Variants in CYP27C1 observed in about 807,000 individuals in gnomAD.
CYP27C1 encodes the protein cytochrome P450 family 27 subfamily C member 1, also known as cytochrome P450 27C1.
Under a neutral mutation model 40.6 loss-of-function variants are expected in CYP27C1, and 29 were observed. That is an observed-to-expected ratio of 0.71 (90% CI 0.53 to 0.97). The LOEUF (loss-of-function observed/expected upper bound fraction) is 0.97. CYP27C1 is among the 50% of genes least tolerant of loss of function. The pLI, the probability that CYP27C1 is intolerant of heterozygous loss-of-function variation, is 0.00. For missense variants in CYP27C1, 390 were observed against 485.8 expected, an observed-to-expected ratio of 0.80 and a Z score of 1.85; for synonymous variants, 198 against 186.8, an observed-to-expected ratio of 1.06 and a Z score of -0.49.
chr2:127,198,074 C>T (rs1682946465), intron 5 of CYP27C1, among the ~76,000 whole-genome samples: 2 of 152,030 alleles, frequency 1.3e-5, no homozygotes, highest in Admixed American at 6.6e-5. Context: ...CCTGTGGGTT[C>T]CCCCCAGGTT....
At position 127,205,883 on chromosome 2, in the gene CYP27C1, C is replaced by A; in HGVS notation, c.473+17G>T. The A allele has an allele frequency of 2.4e-6, 1 of 411,078 alleles. No homozygotes were observed. Among genetic ancestry groups the A allele is most frequent in the Non-Finnish European group, 3.3e-6 (1 of 304,594 alleles). 25.5% of individuals were successfully genotyped at this position (411,078 alleles called of 1,614,324 possible). A position where few individuals can be genotyped will look rare whatever the true frequency, so the allele number is the denominator to read the frequency against. Reference sequence around the variant, plus strand: ...TCCCCCTCCAGCCCGTGGCTCAGCCCGGGCCCACATACTCACGCCGAGATG... The same window carrying A: ...TCCCCCTCCAGCCCGTGGCTCAGCCAGGGCCCACATACTCACGCCGAGATG... On this transcript the variant is annotated intron_variant, in intron 2 of 8. Transcript: ENST00000664447.
chr2:127,201,312 A>G lies in CYP27C1; in HGVS notation c.693T>C (p.Tyr231=). The change falls in exon 4 of 9, where the codon TAT becomes TAC. Residue 231 remains tyrosine, a synonymous_variant. Coordinates refer to ENST00000664447, the MANE Select transcript of CYP27C1 (RefSeq NM_001367502.1). This position sits in a 1 kb window ranked among gnomAD's most constrained non-coding sequence, Gnocchi z 6.0. ...TTTCCAGGCAGCCCAAACGACTCTC[A>G]TAAAGGATGGTGGCCACTCCTAGAC... ...YSMEGVATIL[Y]ESRLGCLENS... is the part of the protein sequence containing the mutation. The G allele has an allele frequency of 3.1e-6, 5 of 1,613,412 alleles. No homozygotes were observed. The highest frequency in any genetic ancestry group is 2.2e-5 in the East Asian group (1 of 44,894).
intron 8 of CYP27C1, among the ~76,000 whole-genome samples, chr2:127,189,724 T>C (rs1682722138): frequency 1.3e-5 from 2 of 152,206 alleles, no homozygotes; most frequent in Admixed American, 1.3e-4. Context: ...GGGATGCTCA[T>C]GTAATTTTCC....
rs1356773256 is a variant in CYP27C1 at position 127,204,508 on chromosome 2, A to AG, written c.474-938dup. On this transcript the variant is annotated intron_variant, in intron 2 of 8. Coordinates refer to ENST00000664447, the MANE Select transcript of CYP27C1 (RefSeq NM_001367502.1). ...AGAAAGGAAGGAAGGAAGGAAGGAA[A>AG]GAAAGAAGGAAAGAAAGAAAGAAAG... Among the ~76,000 whole-genome samples, 21 of 56,500 alleles carry AG rather than the reference A, an allele frequency of 3.7e-4. 2 individuals are homozygous for AG. The highest frequency in any genetic ancestry group is 1.2e-3 in the African/African-American group (20 of 17,308). The allele number at this position is 56,500 out of a possible 152,430, so 37.1% of individuals were successfully genotyped here.
chr2:127,215,930 A>G (rs375681312), intron 1 of CYP27C1, among the ~76,000 whole-genome samples: 9 of 152,324 alleles, frequency 5.9e-5, no homozygotes, highest in South Asian at 2.1e-4. Flanking sequence ...CAAAGAAGAT[A>G]TACAAATGGT....
rs1224562744 is a variant in CYP27C1, at chr2:127,219,666, C to T, written c.282+323G>A. ...CCTTTCTGGCCCCGTTCCTCAGCTC[C>T]CTCTGCCTGCTGCCCCTCTCCGGGG... On this transcript the variant is annotated intron_variant, in intron 1 of 8. Transcript: ENST00000664447. This position sits in a 1 kb window ranked among gnomAD's most constrained non-coding sequence, Gnocchi z 8.7. Among the ~76,000 whole-genome samples, 2 of 152,016 alleles carry T rather than the reference C, an allele frequency of 1.3e-5. No individual in the cohort carries two copies. The highest frequency in any genetic ancestry group is 4.8e-5 in the African/African-American group (2 of 41,406).
Position 127,193,792 on chromosome 2 carries a change from T to C in CYP27C1, c.1290A>G (p.Lys430=). 3 of 1,614,158 alleles carry C rather than the reference T, an allele frequency of 1.9e-6. No individual in the cohort carries two copies. The highest frequency in any genetic ancestry group is 2.5e-6 in the Non-Finnish European group (3 of 1,180,020). ...ACCCCCATGGCCCCAAACTCACGCC[T>C]TTCGGAATCAGATACCCGCCAATAA... ...DLVIGGYLIP[K]GTQLALCHYA... Residue 430 remains lysine, a synonymous_variant, in exon 7 of 9, where the codon AAA becomes AAG. Coordinates refer to ENST00000664447, the MANE Select transcript of CYP27C1 (RefSeq NM_001367502.1).
chr2:127,187,289 T>C lies in CYP27C1; in HGVS notation c.1596A>G (p.Arg532=). The C allele has an allele frequency of 6.2e-7, 1 of 1,614,064 alleles. No individual in the cohort carries two copies. Among genetic ancestry groups the C allele is most frequent in the South Asian group, 1.1e-5 (1 of 91,070 alleles). Residue 532 remains arginine, a synonymous_variant, in exon 9 of 9, where the codon CGA becomes CGG. Coordinates refer to ENST00000664447, the MANE Select transcript of CYP27C1 (RefSeq NM_001367502.1). ...TCTAGGCTTACTTTCTGTTAACAAA[T>C]CGCACGTGGATGGGCCCCCCTGGCG... ...LLTPGGPIHV[R]FVNRK
At position 127,208,662 on chromosome 2, in the gene CYP27C1, CT is replaced by C. The variant is rs1442429296; in HGVS notation, c.283-2573del. ...TATAGCTCCAGGCTGCACTTTTCCC[CT>C]GCTGGAGCCAGGGAGGCTGGATGGC... On this transcript the variant is annotated intron_variant, in intron 1 of 8. Transcript: ENST00000664447. This position sits in a 1 kb window ranked among gnomAD's most constrained non-coding sequence, Gnocchi z 5.2. Among the ~76,000 whole-genome samples the C allele has an allele frequency of 6.6e-6, 1 of 152,218 alleles. No individual in the cohort carries two copies. The highest frequency in any genetic ancestry group is 1.5e-5 in the Non-Finnish European group (1 of 68,040).
intron 1 of CYP27C1, among the ~76,000 whole-genome samples, chr2:127,217,205 G>A (rs1683446697): frequency 6.6e-6 from 1 of 152,172 alleles, no homozygotes. Context: ...ATACAGTCAG[G>A]CACAGTACTT....
chr2:127,201,115 C>G lies in CYP27C1; in HGVS notation c.883+7G>C. 6.2e-7 allele frequency: 1 copy of G among 1,611,684 alleles called. No homozygotes were observed. The highest frequency in any genetic ancestry group is 8.5e-7 in the Non-Finnish European group (1 of 1,179,314). ...TCTGCAAAAGGTGCTCTCAATTCTT[C>G]TCTTACTGAATTTGAAGAGTCCATC... On this transcript the variant is annotated splice_region_variant and intron_variant, in intron 4 of 8. Transcript: ENST00000664447. The surrounding 1 kb of genome is among the most constrained non-coding windows in gnomAD (Gnocchi z 6.0).
At chr2:127,216,594 G>A (rs184329194) in intron 1 of CYP27C1, among the ~76,000 whole-genome samples, 1 of 152,300 alleles carries the variant, frequency 6.6e-6, no homozygotes, top group Admixed American at 6.5e-5. Flanking sequence ...ATTTCTTTTT[G>A]AGGTCATGAA....
chr2:127,187,417 G>C (rs1177502562), intron 8 of CYP27C1, 30 bp from the exon 9 acceptor site: 3 of 1,581,268 alleles, frequency 1.9e-6, no homozygotes, highest in Non-Finnish European at 2.6e-6. Flanking sequence ...GAAGGGGTCA[G>C]AATTGGAACA....
At chr2:127,193,037 T>G in intron 8 of CYP27C1, 57 bp downstream of exon 8, 1 of 1,591,182 alleles carries the variant, frequency 6.3e-7, no homozygotes, top group Non-Finnish European at 8.6e-7. Context: ...TTTATCCTGT[T>G]GTGCCCAGTA....
chr2:127,213,847 A>C (rs753393855), intron 1 of CYP27C1, among the ~76,000 whole-genome samples: 2 of 152,228 alleles, frequency 1.3e-5, no homozygotes, highest in Non-Finnish European at 2.9e-5. Flanking sequence ...TGCACAGCAA[A>C]AGAAACTATC....
Position 127,201,204 on chromosome 2 carries a change from G to A in CYP27C1, c.801C>T (p.Gly267=), listed in dbSNP as rs188173831. 5.6e-6 allele frequency: 9 copies of A among 1,614,126 alleles called. No homozygotes were observed. The highest frequency in any genetic ancestry group is 1.7e-5 in the Admixed American group (1 of 60,016). ...FSMFKTSMYA[G]AIPRWLRPFI... ...AGGGGCGAAGCCATCTGGGGATGGC[G>A]CCTGCATACATGGAGGTCTTGAACA... The change falls in exon 4 of 9, where the codon GGC becomes GGT. Residue 267 remains glycine, a synonymous_variant. Coordinates refer to ENST00000664447, the MANE Select transcript of CYP27C1 (RefSeq NM_001367502.1). This position sits in a 1 kb window ranked among gnomAD's most constrained non-coding sequence, Gnocchi z 6.0.
intron 1 of CYP27C1, among the ~76,000 whole-genome samples, chr2:127,215,578 G>C (rs1345725371): frequency 6.6e-6 from 1 of 152,034 alleles, no homozygotes; most frequent in East Asian, 1.9e-4. Flanking sequence ...TATTAAGAAA[G>C]TGAAAACAAG....
chr2:127,212,888 C>T (rs560863439), intron 1 of CYP27C1, among the ~76,000 whole-genome samples: 2 of 152,306 alleles, frequency 1.3e-5, no homozygotes, highest in East Asian at 3.9e-4. Flanking sequence ...TCTCTGTTTG[C>T]AGTTGAGATG....
chr2:127,217,999 A>T (rs755027098), intron 1 of CYP27C1, among the ~76,000 whole-genome samples: 5 of 152,054 alleles, frequency 3.3e-5, no homozygotes, highest in Admixed American at 2.0e-4. Flanking sequence ...TTTTTCCTTT[A>T]TTTCTTTTAC....
Sources: gnomAD v4.1 joint callset for allele counts (sites outside exome capture counted in the v4.1 genomes callset) on GRCh38, gnomAD v4.1.1 for gene constraint, Gnocchi (gnomAD v3.1) non-coding constraint, MANE v1.5 for transcripts, NCBI Gene and HGNC (gene_info 2026-07-23, HGNC 2026-07-21) for gene names.